Variants in UBAP1 observed in about 807,000 individuals in gnomAD.
UBAP1 encodes the protein ubiquitin associated protein 1, also known as ubiquitin-associated protein 1.
UBAP1 carries 5 observed loss-of-function variants against 39.0 expected under a neutral mutation model. The ratio of observed to expected loss-of-function variants is 0.13; its 90% CI spans 0.07 to 0.27. The LOEUF is 0.27. Among genes scored for constraint, UBAP1 ranks in the 10% least tolerant of loss-of-function variants. The pLI is 1.00. For missense variants in UBAP1, 490 were observed against 608.1 expected (o/e 0.81, Z 2.04); for synonymous variants, 211 against 225.1 (o/e 0.94, Z 0.56).
At position 34,200,939 on chromosome 9, in the gene UBAP1, C is replaced by T. The variant is rs978348251; in HGVS notation, c.-7-19969C>T. ...TTTATTTTTTTTTGAGATGGAGTTT[C>T]GCTCTTGTTGCCCAGGCTGGAGTGT... On this transcript the variant is annotated intron_variant, in intron 1 of 6. Transcript: ENST00000297661. Among the ~76,000 whole-genome samples the T allele has an allele frequency of 5.3e-5, 8 of 151,900 alleles. No homozygotes were observed. In the East Asian group the frequency reaches 7.8e-4, roughly 15 times the overall value.
rs62556594 is a variant in UBAP1, at chr9:34,237,700, T to G, written c.159+3360T>G. Among the ~76,000 whole-genome samples the G allele has an allele frequency of 6.3e-3, 964 of 152,186 alleles. 12 individuals are homozygous for G. Among genetic ancestry groups the G allele is most frequent in the Non-Finnish European group, 8.2e-3 (555 of 68,002 alleles). On this transcript the variant is annotated intron_variant, in intron 3 of 6. Transcript: ENST00000297661. ...CTCCCTCCTCAGCCTCCTGAGTAGC[T>G]GGGACTATTGGCATGCACCACCATG...
intron 2 of UBAP1, among the ~76,000 whole-genome samples, chr9:34,225,936 C>G (rs956136896): frequency 6.6e-6 from 1 of 151,994 alleles, no homozygotes; most frequent in Middle Eastern, 3.4e-3. Flanking sequence ...AACTAGCCCC[C>G]CTCCTTAAAT....
chr9:34,216,722 C>T (rs1376240885), intron 1 of UBAP1, among the ~76,000 whole-genome samples: 4 of 141,046 alleles, frequency 2.8e-5, no homozygotes, highest in African/African-American at 1.1e-4. Context: ...TCATGGCTCA[C>T]GGCAACCTTT....
chr9:34,194,954 A>C (rs1485718386), intron 1 of UBAP1, among the ~76,000 whole-genome samples: 4 of 152,182 alleles, frequency 2.6e-5, no homozygotes, highest in Non-Finnish European at 5.9e-5. Flanking sequence ...AACTTGTACA[A>C]GGGATACGTA....
At chr9:34,224,524 G>C (rs1356584503) in intron 2 of UBAP1, 19 of 426,130 alleles carry the variant, frequency 4.5e-5, no homozygotes, top group South Asian at 8.1e-5. Flanking sequence ...CAATGTTGGT[G>C]TTGGCAGCTG....
At chr9:34,183,927 T>G (rs1284095424) in intron 1 of UBAP1, among the ~76,000 whole-genome samples, 1 of 151,930 alleles carries the variant, frequency 6.6e-6, no homozygotes, top group Non-Finnish European at 1.5e-5. Flanking sequence ...TGTGCCACCA[T>G]GCCCGGCTAA....
intron 1 of UBAP1, among the ~76,000 whole-genome samples, chr9:34,184,603 C>G (rs1830278898): frequency 7.0e-6 from 1 of 142,274 alleles, no homozygotes; most frequent in Non-Finnish European, 1.5e-5. Context: ...TGCACTCCAG[C>G]CTGGGCAATA....
intron 1 of UBAP1, among the ~76,000 whole-genome samples, chr9:34,206,432 C>T (rs185265643): frequency 1.3e-5 from 2 of 152,156 alleles, no homozygotes; most frequent in East Asian, 1.9e-4. Context: ...ATCACTTGAG[C>T]TCGGGAGGTT....
intron 1 of UBAP1, among the ~76,000 whole-genome samples, chr9:34,216,502 T>G (rs190570338): frequency 6.6e-6 from 1 of 152,016 alleles, no homozygotes; most frequent in Non-Finnish European, 1.5e-5. Context: ...ATTTTAAATT[T>G]TTTTTAGAGC....
intron 2 of UBAP1, among the ~76,000 whole-genome samples, chr9:34,225,911 G>A (rs759473915): frequency 6.6e-6 from 1 of 151,862 alleles, no homozygotes; most frequent in African/African-American, 2.4e-5. Context: ...TAGACCCCGT[G>A]ATAAGATTTG....
chr9:34,202,698 T>C (rs969079562), intron 1 of UBAP1, among the ~76,000 whole-genome samples: 17 of 149,934 alleles, frequency 1.1e-4, no homozygotes, highest in African/African-American at 4.2e-4. Context: ...CGTATATGTA[T>C]GTATCATAAC....
At chr9:34,212,836 A>G (rs1309636044) in intron 1 of UBAP1, among the ~76,000 whole-genome samples, 1 of 152,210 alleles carries the variant, frequency 6.6e-6, no homozygotes. Flanking sequence ...AGAAGGAACC[A>G]TGCCTAATTC....
intron 1 of UBAP1, among the ~76,000 whole-genome samples, chr9:34,195,930 T>G (rs1225136700): frequency 6.2e-5 from 2 of 32,384 alleles, no homozygotes; most frequent in Non-Finnish European, 1.6e-4. Context: ...TTTTTTGGTT[T>G]TTTTTTTTTT....
intron 1 of UBAP1, among the ~76,000 whole-genome samples, chr9:34,206,496 T>G (rs2131546067): frequency 6.6e-6 from 1 of 151,702 alleles, no homozygotes; most frequent in African/African-American, 2.4e-5. Flanking sequence ...GGTGACAGAG[T>G]GAGACCCTGT....
chr9:34,233,643 AAATAT>A (rs1265493458), intron 2 of UBAP1, among the ~76,000 whole-genome samples: 2 of 152,170 alleles, frequency 1.3e-5, no homozygotes, highest in Non-Finnish European at 2.9e-5. Flanking sequence ...GAGAAACAAT[AAATAT>A]AATTAAAAAG....
chr9:34,204,388 A>G (rs530642865), intron 1 of UBAP1, among the ~76,000 whole-genome samples: 1 of 152,320 alleles, frequency 6.6e-6, no homozygotes, highest in African/African-American at 2.4e-5. Context: ...AAAAACAAAA[A>G]AAGGGTGTGG....
intron 1 of UBAP1, among the ~76,000 whole-genome samples, chr9:34,196,562 C>G (rs1322806032): frequency 2.6e-5 from 4 of 151,878 alleles, no homozygotes; most frequent in African/African-American, 9.7e-5. Context: ...GGTGATCTGC[C>G]CTACTCGGCC....
At chr9:34,214,045 C>G (rs1832163603) in intron 1 of UBAP1, among the ~76,000 whole-genome samples, 1 of 152,126 alleles carries the variant, frequency 6.6e-6, no homozygotes, top group Non-Finnish European at 1.5e-5. Context: ...GGAAGCACAT[C>G]CCATGCTCAT....
chr9:34,179,122 G>C lies in UBAP1; in HGVS notation c.-126G>C. 1 of 1,268,660 alleles carries C rather than the reference G, an allele frequency of 7.9e-7. No individual in the cohort carries two copies. The highest frequency in any genetic ancestry group is 9.9e-7 in the Non-Finnish European group (1 of 1,005,188). 78.6% of individuals were successfully genotyped at this position (1,268,660 alleles called of 1,614,324 possible). A position where few individuals can be genotyped will look rare whatever the true frequency, so the allele number is the denominator to read the frequency against. ...GCCTGGCCCGGAGCGGGCAGAGTTG[G>C]AGGTGGTGGCGTTCGCTCTCCCTAG... On this transcript the variant is annotated 5_prime_UTR_variant, in exon 1 of 7. Transcript: ENST00000297661.
Sources: gnomAD v4.1 joint callset for allele counts (sites outside exome capture counted in the v4.1 genomes callset) on GRCh38, gnomAD v4.1.1 for gene constraint, MANE v1.5 for transcripts, NCBI Gene and HGNC (gene_info 2026-07-23, HGNC 2026-07-21) for gene names.